FARP1: variants seen among roughly 807,000 people sequenced by gnomAD.
FARP1 encodes the protein FERM, ARHGEF and pleckstrin domain-containing protein 1.
In FARP1, 52 loss-of-function variants were observed where a neutral mutation model predicts 128.8. The observed-to-expected ratio is 0.40, with a 90% confidence interval of 0.32 to 0.51. The LOEUF (loss-of-function observed/expected upper bound fraction) is 0.51. Among genes scored for constraint, FARP1 ranks in the 20% least tolerant of loss-of-function variants. The probability of loss-of-function intolerance (pLI) is 0.45; values close to 1 mark genes in which losing one functional copy is unlikely to be tolerated. For synonymous variants in FARP1, 580 were observed against 551.8 expected (o/e 1.05, Z -0.72); for missense variants, 1,333 against 1,367.9 (o/e 0.97, Z 0.40).
At chr13:98,254,384 A>G (rs1389417191) in intron 2 of FARP1, among the ~76,000 whole-genome samples, 1 of 152,198 alleles carries the variant, frequency 6.6e-6, no homozygotes, top group Non-Finnish European at 1.5e-5. Context: ...TGAGAATAGT[A>G]TCTCTCTCCT....
intron 1 of FARP1, among the ~76,000 whole-genome samples, chr13:98,145,264 A>G (rs1430071968): frequency 3.3e-5 from 5 of 152,150 alleles, no homozygotes; most frequent in African/African-American, 9.7e-5. Context: ...TCTATGGTGC[A>G]CCACCCCGCC....
intron 4 of FARP1, among the ~76,000 whole-genome samples, chr13:98,365,917 G>GTGTGTA (rs1242226055): frequency 1.3e-5 from 2 of 151,754 alleles, no homozygotes; most frequent in Non-Finnish European, 2.9e-5. Context: ...GTGTGTGTGT[G>GTGTGTA]TTTCTGAGTA....
intron 5 of FARP1, among the ~76,000 whole-genome samples, chr13:98,374,329 C>G (rs972138208): frequency 1.8e-4 from 28 of 152,238 alleles, no homozygotes; most frequent in African/African-American, 5.3e-4. Flanking sequence ...GAGGCTGAGG[C>G]AGGAGGATTG....
chr13:98,395,207 T>C lies in FARP1; in HGVS notation c.1165-20T>C. On this transcript the variant is annotated intron_variant, in intron 12 of 26. Coordinates refer to ENST00000319562, the MANE Select transcript of FARP1 (RefSeq NM_005766.4). Reference sequence around the variant, plus strand: ...TCCCTCTTCTCTATCTCTCCGCACCTTTTTCCCCACCCCACCCAGTCTCAG... The same window carrying C: ...TCCCTCTTCTCTATCTCTCCGCACCCTTTTCCCCACCCCACCCAGTCTCAG... The C allele has an allele frequency of 1.3e-6, 2 of 1,567,356 alleles. No homozygotes were observed. Among genetic ancestry groups the C allele is most frequent in the Non-Finnish European group, 1.7e-6 (2 of 1,149,332 alleles).
intron 1 of FARP1, among the ~76,000 whole-genome samples, chr13:98,180,717 G>C (rs1280834933): frequency 2.6e-5 from 4 of 152,100 alleles, no homozygotes; most frequent in Admixed American, 6.6e-5. Context: ...CCTTTTGTGG[G>C]AATCTGCCTT....
At chr13:98,421,876 A>G (rs910099618) in intron 16 of FARP1, among the ~76,000 whole-genome samples, 11 of 151,936 alleles carry the variant, frequency 7.2e-5, no homozygotes, top group African/African-American at 2.4e-4. Flanking sequence ...AATTTTTTTT[A>G]AGAAAATGGA....
chr13:98,408,322 C>CTTTTTTTTTTTT (rs34532263), intron 13 of FARP1, among the ~76,000 whole-genome samples: 1 of 90,146 alleles, frequency 1.1e-5, no homozygotes, highest in Non-Finnish European at 2.1e-5. Flanking sequence ...GTAATATATA[C>CTTTTTTTTTTTT]TTTTTTTTTT....
intron 26 of FARP1, 31 bp downstream of exon 26, chr13:98,446,848 T>C: frequency 6.2e-7 from 1 of 1,609,328 alleles, no homozygotes; most frequent in Non-Finnish European, 8.5e-7. Context: ...CACAGGGCCC[T>C]GCAGAAGAGG....
chr13:98,253,006 C>G (rs770824923), intron 2 of FARP1, among the ~76,000 whole-genome samples: 26 of 152,312 alleles, frequency 1.7e-4, no homozygotes, highest in Non-Finnish European at 2.9e-4. Context: ...AGCTACTTAG[C>G]TATGACTGCG....
chr13:98,378,522 G>A (rs1441884891), intron 6 of FARP1, among the ~76,000 whole-genome samples: 1 of 152,110 alleles, frequency 6.6e-6, no homozygotes, highest in Non-Finnish European at 1.5e-5. Context: ...TACACATTAT[G>A]TTTCAGAAAG....
chr13:98,426,607 T>C (rs1245547358), intron 17 of FARP1, among the ~76,000 whole-genome samples: 2 of 152,188 alleles, frequency 1.3e-5, no homozygotes, highest in Non-Finnish European at 2.9e-5. Flanking sequence ...TTCCTGTCAA[T>C]CTCTCTTAAC....
chr13:98,404,838 T>C (rs1005824334), intron 13 of FARP1: 1 of 152,190 alleles, frequency 6.6e-6, no homozygotes, highest in African/African-American at 2.4e-5. Flanking sequence ...AGTAGTCTCA[T>C]TTTTGTCAGT....
chr13:98,398,696 T>A (rs1291839281), intron 13 of FARP1: 1 of 152,232 alleles, frequency 6.6e-6, no homozygotes, highest in Admixed American at 6.5e-5. Context: ...TTGCATAATC[T>A]GTTCAGACAT....
At chr13:98,343,980 G>A (rs1888076805) in intron 3 of FARP1, 114 bp downstream of exon 3, 1 of 732,562 alleles carries the variant, frequency 1.4e-6, no homozygotes, top group Non-Finnish European at 2.4e-6. Flanking sequence ...TGTCTGTTTT[G>A]TCTGTGAAGT....
intron 17 of FARP1, 105 bp downstream of exon 17, chr13:98,424,755 A>C (rs761583175): frequency 6.5e-5 from 51 of 784,738 alleles, no homozygotes; most frequent in Non-Finnish European, 9.8e-5. Context: ...GCATCACCTG[A>C]TTTGACTCTC....
rs1882612586 is a variant in FARP1, at chr13:98,239,084, TTAATG to T, written c.171+25674_171+25678del. On this transcript the variant is annotated intron_variant, in intron 2 of 26. Transcript: ENST00000319562. ...ACAGGGAATTGGACTTCCTTATGGG[TTAATG>T]TATCTACAGACTACTTTCAGCATAT... Among the ~76,000 whole-genome samples the T allele has an allele frequency of 2.0e-5, 3 of 152,312 alleles. No individual in the cohort carries two copies. The South Asian group carries it at 6.2e-4, about 32-fold the overall frequency.
At chr13:98,448,114 G>A in intron 26 of FARP1, 122 bp from the exon 27 acceptor site, 1 of 787,946 alleles carries the variant, frequency 1.3e-6, no homozygotes, top group Non-Finnish European at 2.2e-6. Context: ...CTCTTCTGCT[G>A]AAGTGGCAGA....
intron 2 of FARP1, among the ~76,000 whole-genome samples, chr13:98,275,307 A>G (rs1419733228): frequency 6.6e-6 from 1 of 151,582 alleles, no homozygotes. Context: ...TTGCTTCCAC[A>G]TAGAATAGGT....
intron 19 of FARP1, among the ~76,000 whole-genome samples, chr13:98,438,476 G>C (rs183033906): frequency 6.6e-6 from 1 of 152,120 alleles, no homozygotes; most frequent in Non-Finnish European, 1.5e-5. Context: ...CCGACCGTCC[G>C]TATCCTTTGT....
Sources: gnomAD v4.1 joint callset for allele counts (sites outside exome capture counted in the v4.1 genomes callset) on GRCh38, gnomAD v4.1.1 for gene constraint, MANE v1.5 for transcripts, NCBI Gene and HGNC (gene_info 2026-07-23, HGNC 2026-07-21) for gene names.